FAF1: variants seen among roughly 807,000 people sequenced by gnomAD.
The protein encoded by FAF1 is Fas associated factor 1.
FAF1 carries 25 observed loss-of-function variants against 92.5 expected under a neutral mutation model. The observed-to-expected ratio is 0.27, with a 90% CI of 0.20 to 0.38. The LOEUF (loss-of-function observed/expected upper bound fraction) is 0.38. FAF1 is among the 10% of genes least tolerant of loss of function. The probability of loss-of-function intolerance (pLI) is 1.00; values close to 1 mark genes in which losing one functional copy is unlikely to be tolerated. For synonymous variants in FAF1, 234 were observed against 273.2 expected, an observed-to-expected ratio of 0.86 and a Z score of 1.42; for missense variants, 636 against 793.3, an observed-to-expected ratio of 0.80 and a Z score of 2.38.
At chr1:50,445,304 T>C (rs1413239442) in intron 18 of FAF1, among the ~76,000 whole-genome samples, 2 of 152,148 alleles carry the variant, frequency 1.3e-5, no homozygotes, top group African/African-American at 2.4e-5. Context: ...GTAAGGACAA[T>C]TATTATCCCC....
intron 8 of FAF1, among the ~76,000 whole-genome samples, chr1:50,598,624 T>C (rs548040006): frequency 1.3e-5 from 2 of 152,292 alleles, no homozygotes; most frequent in Admixed American, 1.3e-4. Context: ...TTGAAGTTTT[T>C]TCTTTTCTTC....
At chr1:50,473,427 AACT>A (rs1646600684) in intron 18 of FAF1, among the ~76,000 whole-genome samples, 1 of 152,184 alleles carries the variant, frequency 6.6e-6, no homozygotes, top group African/African-American at 2.4e-5. Context: ...AGTGACTTAA[AACT>A]AAGGGTTGGG....
intron 1 of FAF1, among the ~76,000 whole-genome samples, chr1:50,878,589 C>T (rs1644588383): frequency 6.6e-6 from 1 of 152,184 alleles, no homozygotes; most frequent in Non-Finnish European, 1.5e-5. Flanking sequence ...TTGGTATCCT[C>T]ACCATAAAAC....
At chr1:50,673,336 T>A (rs1655982288) in intron 7 of FAF1, among the ~76,000 whole-genome samples, 1 of 152,124 alleles carries the variant, frequency 6.6e-6, no homozygotes, top group African/African-American at 2.4e-5. Flanking sequence ...AATGGATGTA[T>A]AAGCAACTGA....
intron 12 of FAF1, among the ~76,000 whole-genome samples, chr1:50,575,413 T>C (rs534940792): frequency 7.2e-5 from 11 of 152,326 alleles, no homozygotes; most frequent in African/African-American, 2.6e-4. Context: ...TGTATTTATA[T>C]AAACTATATC....
intron 15 of FAF1, among the ~76,000 whole-genome samples, chr1:50,533,204 T>A (rs1005569587): frequency 2.6e-5 from 4 of 152,050 alleles, no homozygotes; most frequent in African/African-American, 9.7e-5. Flanking sequence ...TCCAAGTAGC[T>A]GGGACTACAG....
intron 8 of FAF1, among the ~76,000 whole-genome samples, chr1:50,652,264 T>C (rs2124284485): frequency 6.6e-6 from 1 of 152,228 alleles, no homozygotes; most frequent in East Asian, 1.9e-4. Context: ...CCTATAGTAA[T>C]TAGACTGCAT....
At chr1:50,735,818 G>A (rs1659115046) in intron 6 of FAF1, among the ~76,000 whole-genome samples, 1 of 152,270 alleles carries the variant, frequency 6.6e-6, no homozygotes, top group Non-Finnish European at 1.5e-5. Context: ...TTGGGCTCGA[G>A]CAATTCTCCT....
At chr1:50,725,374 G>GA (rs751368727) in intron 6 of FAF1, among the ~76,000 whole-genome samples, 15 of 152,110 alleles carry the variant, frequency 9.9e-5, no homozygotes, top group Admixed American at 2.0e-4. Context: ...GAAAATATAA[G>GA]AACTCTATTC....
chr1:50,671,546 GTTAACTATAT>G (rs1655879350), intron 7 of FAF1, among the ~76,000 whole-genome samples: 1 of 152,142 alleles, frequency 6.6e-6, no homozygotes. Context: ...AATAGATAAT[GTTAACTATAT>G]ACCTGGCAGT....
intron 3 of FAF1, among the ~76,000 whole-genome samples, chr1:50,796,823 T>A (rs1225642353): frequency 6.6e-6 from 1 of 151,996 alleles, no homozygotes; most frequent in East Asian, 1.9e-4. Context: ...TATATAAAAT[T>A]CCCTCTGGTA....
intron 18 of FAF1, chr1:50,452,163 C>A: frequency 5.2e-6 from 7 of 1,347,652 alleles, no homozygotes; most frequent in South Asian, 1.2e-5. Context: ...CGAGAACAGG[C>A]ATGTTTCCCC....
intron 1 of FAF1, among the ~76,000 whole-genome samples, chr1:50,936,945 G>GGGAGTC (rs1645089887): frequency 6.6e-6 from 1 of 152,126 alleles, no homozygotes; most frequent in East Asian, 1.9e-4. Context: ...AGACGAAGCA[G>GGGAGTC]AGATGCAGAA....
chr1:50,497,530 A>G (rs974332860), intron 15 of FAF1, among the ~76,000 whole-genome samples: 2 of 140,938 alleles, frequency 1.4e-5, no homozygotes, highest in Non-Finnish European at 3.1e-5. Flanking sequence ...AGACTTTATT[A>G]TTCAAAACTC....
intron 1 of FAF1, among the ~76,000 whole-genome samples, chr1:50,912,588 T>G (rs1230230450): frequency 6.6e-6 from 1 of 152,226 alleles, no homozygotes; most frequent in African/African-American, 2.4e-5. Flanking sequence ...TTACTCTGGT[T>G]ATCACAACCT....
intron 8 of FAF1, among the ~76,000 whole-genome samples, chr1:50,618,482 C>T (rs1653039329): frequency 7.2e-6 from 1 of 138,220 alleles, no homozygotes; most frequent in African/African-American, 2.7e-5. Flanking sequence ...AGGCAGGTCT[C>T]GAACTCCTGA....
At chr1:50,602,138 C>A (rs1041280275) in intron 8 of FAF1, among the ~76,000 whole-genome samples, 2 of 152,216 alleles carry the variant, frequency 1.3e-5, no homozygotes, top group African/African-American at 2.4e-5. Flanking sequence ...CCCAGTAACA[C>A]AAGTGAACGA....
chr1:50,708,857 T>C (rs1006272730), intron 6 of FAF1, among the ~76,000 whole-genome samples: 5 of 152,126 alleles, frequency 3.3e-5, no homozygotes, highest in African/African-American at 9.7e-5. Flanking sequence ...CAAATGCTAC[T>C]GAGGCATTAA....
chr1:50,539,763 T>C, intron 13 of FAF1, 35 bp from the exon 14 acceptor site: 1 of 1,560,870 alleles, frequency 6.4e-7, no homozygotes, highest in Non-Finnish European at 8.8e-7. Context: ...AAGTTTTGCT[T>C]TGTAGTTTAA....
Sources: allele counts gnomAD v4.1 joint callset (sites outside exome capture counted in the v4.1 genomes callset), GRCh38; gene constraint gnomAD v4.1.1; transcripts MANE v1.5; gene names NCBI Gene and HGNC (gene_info 2026-07-23, HGNC 2026-07-21).